WWOX: variants seen among roughly 807,000 people sequenced by gnomAD.
The protein encoded by WWOX is WW domain containing oxidoreductase, also known as WW domain-containing oxidoreductase.
Under a neutral mutation model 46.2 loss-of-function variants are expected in WWOX, and 69 were observed. The observed-to-expected ratio is 1.49, with a 90% CI of 1.23 to 1.82. The LOEUF is 1.82. Ranked by LOEUF, WWOX falls within the 40% of genes most tolerant of loss-of-function variation. The probability of loss-of-function intolerance (pLI) is 0.00; values close to 1 mark genes in which losing one functional copy is unlikely to be tolerated. For missense variants in WWOX, 919 were observed against 542.6 expected (o/e 1.69, Z -6.89); for synonymous variants, 359 against 202.6 (o/e 1.77, Z -6.56).
At chr16:78,919,439 C>G (rs952061052) in intron 8 of WWOX, among the ~76,000 whole-genome samples, 1 of 151,910 alleles carries the variant, frequency 6.6e-6, no homozygotes, top group Non-Finnish European at 1.5e-5. Context: ...TAGATCATCA[C>G]TTAGAATGCC....
intron 8 of WWOX, among the ~76,000 whole-genome samples, chr16:78,632,033 TAAAAA>T (rs767839365): frequency 3.4e-5 from 5 of 146,158 alleles, no homozygotes; most frequent in Non-Finnish European, 6.0e-5. Flanking sequence ...AATTTTTTCT[TAAAAA>T]AAATAAAAGT....
At chr16:78,725,967 T>C (rs2048820892) in intron 8 of WWOX, among the ~76,000 whole-genome samples, 1 of 151,224 alleles carries the variant, frequency 6.6e-6, no homozygotes, top group South Asian at 2.1e-4. Flanking sequence ...TTTCTTTTCT[T>C]CTCCTCCTCC....
At chr16:78,792,962 C>G (rs1335451316) in intron 8 of WWOX, among the ~76,000 whole-genome samples, 1 of 152,198 alleles carries the variant, frequency 6.6e-6, no homozygotes, top group Non-Finnish European at 1.5e-5. Context: ...AATAGGAAAT[C>G]TCTTTATTTC....
At chr16:79,204,301 C>G (rs1030316543) in intron 8 of WWOX, 3 of 152,070 alleles carry the variant, frequency 2.0e-5, no homozygotes, top group Admixed American at 6.6e-5. Flanking sequence ...CCTCTCAGGT[C>G]CGGTCAGTTC....
rs147075159 is a variant in WWOX, at chr16:79,011,179, T to G, written c.1057-200429T>G. Among the ~76,000 whole-genome samples the G allele has an allele frequency of 6.4e-3, 960 of 150,136 alleles. 5 individuals are homozygous for G. The highest frequency in any genetic ancestry group is 0.017 in the Middle Eastern group (5 of 288). On this transcript the variant is annotated intron_variant, in intron 8 of 8. Transcript: ENST00000566780. ...CACACACACACACACACACACTTTT[T>G]TGGAACCATTGAAAAGTTGCAGACA...
intron 8 of WWOX, among the ~76,000 whole-genome samples, chr16:78,450,322 T>G (rs2083662876): frequency 6.6e-6 from 1 of 152,210 alleles, no homozygotes. Flanking sequence ...AAATATTCTT[T>G]AAGAAGCCAA....
At chr16:79,060,598 A>G (rs370222735) in intron 8 of WWOX, among the ~76,000 whole-genome samples, 2 of 152,264 alleles carry the variant, frequency 1.3e-5, no homozygotes, top group African/African-American at 4.8e-5. Flanking sequence ...ATGCAGTGAC[A>G]TATGTCTTAT....
rs76870426 is a variant in WWOX, at chr16:78,279,376, G to A, written c.517-107484G>A. 4.1e-3 allele frequency among the ~76,000 whole-genome samples: 617 copies of A among 152,218 alleles called. 26 individuals are homozygous for A. The East Asian group carries it at 0.089, about 22-fold the overall frequency. ...ATCACATTTTATATGATTGTAAAAT[G>A]TGTCTACTTTTGTCTCTATCTTTCA... On this transcript the variant is annotated intron_variant, in intron 5 of 8. Coordinates refer to ENST00000566780, the MANE Select transcript of WWOX (RefSeq NM_016373.4).
chr16:78,812,003 A>G (rs2051201825), intron 8 of WWOX, among the ~76,000 whole-genome samples: 1 of 152,126 alleles, frequency 6.6e-6, no homozygotes, highest in Non-Finnish European at 1.5e-5. Context: ...AGCTATTATA[A>G]CACCATCAAA....
chr16:79,105,253 A>T (rs987251583), intron 8 of WWOX, among the ~76,000 whole-genome samples: 3 of 152,268 alleles, frequency 2.0e-5, no homozygotes, highest in African/African-American at 7.2e-5. Flanking sequence ...ATTCAAAGGA[A>T]TTTTTTTATT....
intron 8 of WWOX, 122 bp from the exon 9 acceptor site, chr16:79,211,486 C>G: frequency 1.5e-6 from 2 of 1,293,870 alleles, no homozygotes; most frequent in South Asian, 1.3e-5. Context: ...TTTGCTATGC[C>G]AAGATCCAGC....
At chr16:78,504,060 G>C (rs1296929038) in intron 8 of WWOX, among the ~76,000 whole-genome samples, 1 of 152,094 alleles carries the variant, frequency 6.6e-6, no homozygotes, top group East Asian at 1.9e-4. Flanking sequence ...AAAAGTGCTT[G>C]GCAACTGTGT....
In WWOX at chr16:78,624,666, C is replaced by T. The variant is rs185852620; in HGVS notation, c.1056+191914C>T. Among the ~76,000 whole-genome samples the T allele has an allele frequency of 1.9e-3, 292 of 152,332 alleles. 1 individual carries two copies. The highest frequency in any genetic ancestry group is 4.1e-3 in the Admixed American group (62 of 15,304). ...ATGCTGAGAAGGGGGAAAAAACCCT[C>T]ACTTTTATTGCAGCAAGATTTTTCT... On this transcript the variant is annotated intron_variant, in intron 8 of 8. Coordinates refer to ENST00000566780, the MANE Select transcript of WWOX (RefSeq NM_016373.4).
intron 8 of WWOX, among the ~76,000 whole-genome samples, chr16:78,914,050 T>C (rs1036775691): frequency 6.6e-6 from 1 of 152,088 alleles, no homozygotes; most frequent in Non-Finnish European, 1.5e-5. Flanking sequence ...AAATGAGATT[T>C]GACAACTGCA....
chr16:78,372,082 G>T (rs1043008592), intron 5 of WWOX, among the ~76,000 whole-genome samples: 2 of 152,184 alleles, frequency 1.3e-5, no homozygotes, highest in Admixed American at 1.3e-4. Context: ...AATTGTGAAG[G>T]AGACTGGGCA....
intron 8 of WWOX, among the ~76,000 whole-genome samples, chr16:78,807,630 A>G (rs542681835): frequency 6.6e-6 from 1 of 152,324 alleles, no homozygotes; most frequent in South Asian, 2.1e-4. Context: ...TTTATGGCTT[A>G]TGGAAAGAAA....
intron 8 of WWOX, among the ~76,000 whole-genome samples, chr16:79,091,779 GTTTT>G (rs11329411): frequency 3.7e-5 from 4 of 109,124 alleles, no homozygotes; most frequent in Non-Finnish European, 5.3e-5. Flanking sequence ...TCTTTTCTTT[GTTTT>G]TTTTTTTTTT....
intron 8 of WWOX, among the ~76,000 whole-genome samples, chr16:78,548,642 G>T (rs993293549): frequency 1.9e-4 from 29 of 152,146 alleles, no homozygotes; most frequent in African/African-American, 7.0e-4. Flanking sequence ...TGCCTTTCAT[G>T]CAGTATTGTT....
At chr16:78,245,814 C>A (rs996024909) in intron 5 of WWOX, among the ~76,000 whole-genome samples, 1 of 152,188 alleles carries the variant, frequency 6.6e-6, no homozygotes, top group African/African-American at 2.4e-5. Context: ...ATAGCTGAGA[C>A]CCAAGTGCCT....
Sources: gnomAD v4.1 joint callset for allele counts (sites outside exome capture counted in the v4.1 genomes callset) on GRCh38, gnomAD v4.1.1 for gene constraint, MANE v1.5 for transcripts, NCBI Gene and HGNC (gene_info 2026-07-23, HGNC 2026-07-21) for gene names.